RAD54L2: variants seen among roughly 807,000 people sequenced by gnomAD.
RAD54L2 encodes the protein helicase ARIP4.
In RAD54L2, 27 loss-of-function variants were observed where a neutral mutation model predicts 138.4. The ratio of observed to expected loss-of-function variants is 0.20; its 90% CI spans 0.14 to 0.27. The LOEUF (loss-of-function observed/expected upper bound fraction) is 0.27, where lower values mean the gene tolerates loss of function less well. RAD54L2 is among the 10% of genes least tolerant of loss of function. The probability of loss-of-function intolerance (pLI) is 1.00; values close to 1 mark genes in which losing one functional copy is unlikely to be tolerated. For missense variants in RAD54L2, 1,396 were observed against 1,890.2 expected (o/e 0.74, Z 4.85); for synonymous variants, 644 against 723.2 (o/e 0.89, Z 1.76).
chr3:51,567,479 AT>A (rs1206446698), intron 2 of RAD54L2, among the ~76,000 whole-genome samples: 8 of 152,092 alleles, frequency 5.3e-5, no homozygotes, highest in Non-Finnish European at 1.0e-4. Flanking sequence ...GCAGATAATA[AT>A]TTTACAGGCT....
At position 51,645,340 on chromosome 3, in the gene RAD54L2, G is replaced by C; in HGVS notation, c.2656+111G>C. 2 of 1,184,984 alleles carry C rather than the reference G, an allele frequency of 1.7e-6. No homozygotes were observed. The highest frequency in any genetic ancestry group is 3.0e-5 in the South Asian group (2 of 67,442). The allele number at this position is 1,184,984 out of a possible 1,614,324, so 73.4% of individuals were successfully genotyped here. On this transcript the variant is annotated intron_variant, in intron 17 of 22. Coordinates refer to ENST00000684192, the MANE Select transcript of RAD54L2 (RefSeq NM_015106.4). The surrounding 1 kb of genome is among the most constrained non-coding windows in gnomAD (Gnocchi z 6.1). ...GGGAACACAGGCAGGCTTCGAGAAA[G>C]CCAGCATTTCCTCCTATCTCATTCT...
intron 4 of RAD54L2, among the ~76,000 whole-genome samples, 169 bp downstream of exon 4, chr3:51,627,923 T>C (rs548621146): frequency 1.8e-4 from 27 of 152,342 alleles, no homozygotes; most frequent in African/African-American, 6.0e-4. Flanking sequence ...TCAGGATCAC[T>C]GGACTTGGGC....
chr3:51,539,727 A>G (rs1698504593), intron 1 of RAD54L2, among the ~76,000 whole-genome samples: 1 of 152,156 alleles, frequency 6.6e-6, no homozygotes, highest in South Asian at 2.1e-4. Context: ...GAAACTTTGC[A>G]GAGTGGGCTT....
chr3:51,632,646 C>T (rs1335550682), intron 7 of RAD54L2, among the ~76,000 whole-genome samples: 2 of 146,942 alleles, frequency 1.4e-5, no homozygotes, highest in South Asian at 2.4e-4. Context: ...GTAATCCTGG[C>T]GCTTTGGGAG....
chr3:51,574,524 T>TA (rs1336731768), intron 2 of RAD54L2, among the ~76,000 whole-genome samples: 1 of 152,222 alleles, frequency 6.6e-6, no homozygotes, highest in African/African-American at 2.4e-5. Flanking sequence ...CCTGATTTTT[T>TA]AATGATCGCC....
intron 2 of RAD54L2, among the ~76,000 whole-genome samples, chr3:51,582,759 G>C (rs1036657620): frequency 6.9e-6 from 1 of 145,790 alleles, no homozygotes; most frequent in African/African-American, 2.6e-5. Context: ...GTCTAAGCCA[G>C]GGAAGTCTTT....
At chr3:51,651,439 G>A (rs1220622919) in intron 19 of RAD54L2, among the ~76,000 whole-genome samples, 2 of 152,120 alleles carry the variant, frequency 1.3e-5, no homozygotes, top group Admixed American at 6.5e-5. Flanking sequence ...CATTTTATGA[G>A]GCCAGCATCA....
At chr3:51,586,275 A>G (rs1429517757) in intron 2 of RAD54L2, among the ~76,000 whole-genome samples, 1 of 151,918 alleles carries the variant, frequency 6.6e-6, no homozygotes, top group Non-Finnish European at 1.5e-5. Flanking sequence ...CACACCACCA[A>G]GTCCAGCTAG....
At chr3:51,615,123 C>T (rs891475057) in intron 3 of RAD54L2, among the ~76,000 whole-genome samples, 12 of 152,054 alleles carry the variant, frequency 7.9e-5, no homozygotes, top group African/African-American at 2.9e-4. Flanking sequence ...AAGCGATTCT[C>T]CTGTCTCAGC....
intron 2 of RAD54L2, among the ~76,000 whole-genome samples, chr3:51,574,432 CA>C (rs1371254941): frequency 6.6e-6 from 1 of 152,222 alleles, no homozygotes; most frequent in African/African-American, 2.4e-5. Context: ...CTGTCTTCCA[CA>C]ATGGTTGAAC....
In RAD54L2 at chr3:51,590,347, T is replaced by G; in HGVS notation, c.-54-20T>G. On this transcript the variant is annotated intron_variant, in intron 2 of 22. Transcript: ENST00000684192. ...TAAGCAAAACCCTTGGTGATTCTGA[T>G]GCCTTTCATCCTCTCCTAGCACCCC... 2 of 1,428,826 alleles carry G rather than the reference T, an allele frequency of 1.4e-6. No homozygotes were observed. The highest frequency in any genetic ancestry group is 5.8e-5 in the Admixed American group (2 of 34,506). The allele number at this position is 1,428,826 out of a possible 1,614,324, so 88.5% of individuals were successfully genotyped here.
chr3:51,613,074 G>A (rs1048804973), intron 3 of RAD54L2, among the ~76,000 whole-genome samples: 4 of 151,978 alleles, frequency 2.6e-5, no homozygotes, highest in African/African-American at 4.8e-5. Flanking sequence ...TGAGTAACTG[G>A]GACTACAGGC....
chr3:51,551,034 T>A (rs1365341467), intron 2 of RAD54L2, among the ~76,000 whole-genome samples: 1 of 152,046 alleles, frequency 6.6e-6, no homozygotes, highest in African/African-American at 2.4e-5. Context: ...GTGATAGTCA[T>A]ACTAACAAAT....
chr3:51,542,966 C>T (rs1189625582), intron 2 of RAD54L2, among the ~76,000 whole-genome samples: 1 of 152,078 alleles, frequency 6.6e-6, no homozygotes, highest in Admixed American at 6.5e-5. Flanking sequence ...CTATATGGCC[C>T]CTGATCAGGA....
intron 2 of RAD54L2, among the ~76,000 whole-genome samples, chr3:51,567,223 C>G (rs941413151): frequency 1.3e-5 from 2 of 152,104 alleles, no homozygotes; most frequent in African/African-American, 2.4e-5. Flanking sequence ...TTTATATTAA[C>G]TTTTTATAAG....
rs762417660 is a variant in RAD54L2 at position 51,645,181 on chromosome 3, C to T, written c.2608C>T (p.Leu870=). 1.2e-6 allele frequency: 2 copies of T among 1,613,782 alleles called. No homozygotes were observed. The highest frequency in any genetic ancestry group is 3.3e-5 in the Admixed American group (2 of 59,990). The change falls in exon 17 of 23, where the codon CTA becomes TTA. Residue 870 remains leucine (L), a synonymous_variant. Coordinates refer to ENST00000684192, the MANE Select transcript of RAD54L2 (RefSeq NM_015106.4). The surrounding 1 kb of genome is among the most constrained non-coding windows in gnomAD (Gnocchi z 6.1). The part of the protein sequence containing the change: ...YIYRLVADYT[L]EKKIYDRQIS... ...CTATCGCCTTGTGGCTGATTACACT[C>T]TAGAAAAGAAGATCTATGACCGTCA...
At chr3:51,608,428 G>A (rs1048592618) in intron 3 of RAD54L2, among the ~76,000 whole-genome samples, 22 of 152,274 alleles carry the variant, frequency 1.4e-4, no homozygotes, top group Non-Finnish European at 2.8e-4. Context: ...ACGGGGTGGC[G>A]GCCGGGCAGA....
At chr3:51,549,325 G>C (rs1206169545) in intron 2 of RAD54L2, among the ~76,000 whole-genome samples, 2 of 152,140 alleles carry the variant, frequency 1.3e-5, no homozygotes, top group African/African-American at 4.8e-5. Context: ...AGAGCTGGCT[G>C]CTGGAGGAAC....
At chr3:51,651,092 G>A (rs923490182) in intron 19 of RAD54L2, among the ~76,000 whole-genome samples, 2 of 152,148 alleles carry the variant, frequency 1.3e-5, no homozygotes, top group Non-Finnish European at 2.9e-5. Flanking sequence ...AATAAAAAAT[G>A]ATAAAGGGGA....
Sources: gnomAD v4.1 joint callset for allele counts (sites outside exome capture counted in the v4.1 genomes callset) on GRCh38, gnomAD v4.1.1 for gene constraint, Gnocchi (gnomAD v3.1) non-coding constraint, MANE v1.5 for transcripts, NCBI Gene and HGNC (gene_info 2026-07-23, HGNC 2026-07-21) for gene names.